RYR1: variants seen among roughly 807,000 people sequenced by gnomAD.
RYR1 encodes the protein ryanodine receptor 1, also known as central core disease of muscle.
A neutral mutation model predicts 583.5 loss-of-function variants in RYR1; 342 were observed. That is an observed-to-expected ratio of 0.59 (90% CI 0.54 to 0.64). The LOEUF (loss-of-function observed/expected upper bound fraction) is 0.64. RYR1 is among the 30% of genes least tolerant of loss of function. RYR1 has a pLI of 0.00. For missense variants in RYR1, 6,032 were observed against 6,917.2 expected, an observed-to-expected ratio of 0.87 and a Z score of 4.54; for synonymous variants, 2,791 against 2,822.5, an observed-to-expected ratio of 0.99 and a Z score of 0.35.
At position 38,502,789 on chromosome 19, in the gene RYR1, G is replaced by A. The variant is rs1194660792; in HGVS notation, c.7835+62G>A. ...GGGGCAGGGGCAGGGGCAGGGGCAG[G>A]GGCAGGGGCAGGGGCAGGGGGAGGA... On this transcript the variant is annotated intron_variant, in intron 48 of 105. Coordinates refer to ENST00000359596, the MANE Select transcript of RYR1 (RefSeq NM_000540.3). 13 of 1,107,376 alleles carry A rather than the reference G, an allele frequency of 1.2e-5. No homozygotes were observed. In the African/African-American group the frequency reaches 1.7e-4, roughly 15 times the overall value. The allele number at this position is 1,107,376 out of a possible 1,614,324, so 68.6% of individuals were successfully genotyped here. A position where few individuals can be genotyped will look rare whatever the true frequency, so the allele number is the denominator to read the frequency against.
rs1319171553 is a variant in RYR1 at position 38,448,753 on chromosome 19, G to T, written c.1062G>T (p.Leu354=). 1 of 1,614,238 alleles carries T rather than the reference G, an allele frequency of 6.2e-7. No homozygotes were observed. Among genetic ancestry groups the T allele is most frequent in the Non-Finnish European group, 8.5e-7 (1 of 1,180,050 alleles). Residue 354 remains leucine, a synonymous_variant, in exon 11 of 106, where the codon CTG becomes CTT. Transcript: ENST00000359596. ...TCGTGCAGCATGTGGCCTCAGGACT[G>T]TGGCTCACCTATGCTGCTCCAGACC... is the stretch of plus-strand genomic sequence containing the variant. ...LCFVQHVASG[L]WLTYAAPDPK... is the part of the protein sequence containing the mutation.
chr19:38,440,615 T>C, intron 1 of RYR1, 130 bp from the exon 2 acceptor site: 1 of 974,714 alleles, frequency 1.0e-6, no homozygotes, highest in Non-Finnish European at 1.5e-6. Context: ...GGTAGAGGGC[T>C]TGGGTGGGTT....
In RYR1 at chr19:38,585,130, G is replaced by A. The variant is rs567645064; in HGVS notation, c.14803+31G>A. The A allele has an allele frequency of 1.5e-4, 239 of 1,609,690 alleles. 2 individuals are homozygous for A. In the South Asian group the frequency reaches 1.7e-3, roughly 11 times the overall value. ...TGCTGGGAGTGGGCGCTCAGGGCCCGGAGGCAGGCTAGCTCCATGGCTAAG... is the reference window on the plus strand; with the variant it reads ...TGCTGGGAGTGGGCGCTCAGGGCCCAGAGGCAGGCTAGCTCCATGGCTAAG... On this transcript the variant is annotated intron_variant, in intron 102 of 105. Coordinates refer to ENST00000359596, the MANE Select transcript of RYR1 (RefSeq NM_000540.3).
In RYR1 at chr19:38,443,707, T is replaced by A; in HGVS notation, c.346-11T>A. 1 of 1,614,106 alleles carries A rather than the reference T, an allele frequency of 6.2e-7. No homozygotes were observed. On this transcript the variant is annotated splice_polypyrimidine_tract_variant and intron_variant, in intron 4 of 105. Coordinates refer to ENST00000359596, the MANE Select transcript of RYR1 (RefSeq NM_000540.3). ...TGCTAGAAGGAGGCTGACCTCCCTC[T>A]ACAACCCTAGTATCTGAGCTGCCTC...
intron 67 of RYR1, among the ~76,000 whole-genome samples, chr19:38,522,018 A>C (rs914928740): frequency 1.3e-5 from 2 of 152,026 alleles, no homozygotes; most frequent in African/African-American, 2.4e-5. Flanking sequence ...GAAAGAAAAA[A>C]TTTTAAAAAG....
chr19:38,498,102 C>G (rs941313137), intron 42 of RYR1, among the ~76,000 whole-genome samples: 1 of 152,146 alleles, frequency 6.6e-6, no homozygotes, highest in African/African-American at 2.4e-5. Context: ...AGTGCAAAGG[C>G]CCTGAGGCAG....
In RYR1 at chr19:38,496,772, G is replaced by A; in HGVS notation, c.6797-88G>A. On this transcript the variant is annotated intron_variant, in intron 41 of 105. Transcript: ENST00000359596. This position sits in a 1 kb window ranked among gnomAD's most constrained non-coding sequence, Gnocchi z 4.8. Reference sequence around the variant, plus strand: ...CAGACCAGAGGAGGCACCTGATCCAGGCTGGAAAAAGGGTGGTCAGGGAGG... The same window carrying A: ...CAGACCAGAGGAGGCACCTGATCCAAGCTGGAAAAAGGGTGGTCAGGGAGG... The A allele has an allele frequency of 7.5e-7, 1 of 1,333,760 alleles. No individual in the cohort carries two copies. Among genetic ancestry groups the A allele is most frequent in the Non-Finnish European group, 1.1e-6 (1 of 928,048 alleles). The allele number at this position is 1,333,760 out of a possible 1,614,324, so 82.6% of individuals were successfully genotyped here. A position where few individuals can be genotyped will look rare whatever the true frequency, so the allele number is the denominator to read the frequency against.
At chr19:38,508,312 C>T (rs866850770) in intron 58 of RYR1, among the ~76,000 whole-genome samples, 13 of 152,170 alleles carry the variant, frequency 8.5e-5, no homozygotes, top group African/African-American at 2.4e-4. Context: ...TGGTTTCAAG[C>T]GATTCTCCTG....
chr19:38,570,380 C>T (rs192346674), intron 93 of RYR1, among the ~76,000 whole-genome samples: 3 of 144,470 alleles, frequency 2.1e-5, no homozygotes, highest in Admixed American at 6.9e-5. Flanking sequence ...TGAACCCGGG[C>T]GGCAGAGGTT....
chr19:38,515,639 A>G (rs183720350), intron 64 of RYR1, among the ~76,000 whole-genome samples: 3 of 151,940 alleles, frequency 2.0e-5, no homozygotes, highest in East Asian at 1.9e-4. Context: ...ACAAAAAAAA[A>G]TTTTTTTTAA....
At chr19:38,560,569 A>G (rs2145828306) in intron 89 of RYR1, among the ~76,000 whole-genome samples, 2 of 150,934 alleles carry the variant, frequency 1.3e-5, no homozygotes, top group South Asian at 4.2e-4. Flanking sequence ...TCTCACTAAA[A>G]ATACAAAAAA....
intron 71 of RYR1, among the ~76,000 whole-genome samples, chr19:38,525,802 C>A (rs1430567821): frequency 6.6e-6 from 1 of 151,778 alleles, no homozygotes; most frequent in Non-Finnish European, 1.5e-5. Flanking sequence ...CCACTGCCCC[C>A]CCACCGGACC....
At chr19:38,555,311 G>A (rs140384254) in intron 89 of RYR1, among the ~76,000 whole-genome samples, 25 of 152,070 alleles carry the variant, frequency 1.6e-4, no homozygotes, top group East Asian at 9.7e-4. Context: ...AATTAGCCGA[G>A]TGTGGTGGCA....
chr19:38,507,023 G>T (rs1372230662), intron 57 of RYR1, 71 bp downstream of exon 57: 1 of 1,607,256 alleles, frequency 6.2e-7, no homozygotes. Context: ...AAGGGGCGGG[G>T]CCAGAGAGGG....
Position 38,496,886 on chromosome 19 carries a change from G to A in RYR1, c.6823G>A (p.Val2275Met), listed in dbSNP as rs756847750. ...LGMQGSTPLDVAAASVIDNNE... is the reference protein window; with the variant it reads ...LGMQGSTPLDMAAASVIDNNE... ...CATGCAGGGCTCCACGCCCCTGGAC[G>A]TGGCTGCTGCCTCCGTCATTGACAA... Residue 2275 changes from valine (V) to methionine (M), a missense_variant, in exon 42 of 106, where the codon GTG becomes ATG. By Grantham distance (21) the Val-to-Met change is conservative. Transcript: ENST00000359596. This position sits in a 1 kb window ranked among gnomAD's most constrained non-coding sequence, Gnocchi z 4.8. 3.1e-6 allele frequency: 5 copies of A among 1,613,432 alleles called. No individual in the cohort carries two copies. Among genetic ancestry groups the A allele is most frequent in the East Asian group, 2.2e-5 (1 of 44,868 alleles).
Position 38,469,398 on chromosome 19 carries a change from G to A in RYR1, c.3650G>A (p.Gly1217Asp), listed in dbSNP as rs1968297333. 6.2e-7 allele frequency: 1 copy of A among 1,613,962 alleles called. No homozygotes were observed. Among genetic ancestry groups the A allele is most frequent in the Admixed American group, 1.7e-5 (1 of 59,976 alleles). The change falls in exon 27 of 106, where the codon GGC becomes GAC. Residue 1217 changes from glycine to aspartate, a missense_variant. Gly to Asp is a moderately conservative substitution (Grantham distance 94). This residue lies in a region of RYR1 where 2,627 missense variants were observed against 2,961.3 expected (regional missense o/e 0.89). Coordinates refer to ENST00000359596, the MANE Select transcript of RYR1 (RefSeq NM_000540.3). ...VSSLRFFAIC[G>D]LQEGFEPFAI... ...TCTCTGAGGTTCTTTGCCATCTGTG[G>A]CCTCCAGGAAGGCTTCGAGCCATTT...
Position 38,467,722 on chromosome 19 carries a change from C to G in RYR1, c.3291C>G (p.Gly1097=). Residue 1097 remains glycine, a synonymous_variant, in exon 25 of 106, where the codon GGC becomes GGG. Coordinates refer to ENST00000359596, the MANE Select transcript of RYR1 (RefSeq NM_000540.3). ...WYFEFEAVTT[G]EMRVGWARPE... The stretch of plus-strand genomic sequence containing the variant: ...TCGAGTTTGAAGCAGTCACCACAGG[C>G]GAGATGCGCGTGGGCTGGGCGAGGC... The G allele has an allele frequency of 6.2e-7, 1 of 1,614,214 alleles. No homozygotes were observed. Among genetic ancestry groups the G allele is most frequent in the Non-Finnish European group, 8.5e-7 (1 of 1,180,044 alleles).
At chr19:38,559,548 GAGAC>G (rs1375116761) in intron 89 of RYR1, among the ~76,000 whole-genome samples, 2 of 151,896 alleles carry the variant, frequency 1.3e-5, no homozygotes, top group Non-Finnish European at 2.9e-5. Context: ...GTGGATTTTT[GAGAC>G]AGACAGTGTC....
At chr19:38,484,042 C>T (rs976860084) in intron 33 of RYR1, among the ~76,000 whole-genome samples, 3 of 152,054 alleles carry the variant, frequency 2.0e-5, no homozygotes, top group Admixed American at 1.3e-4. Context: ...GAACTCTGAA[C>T]GTGGCCAGGC....
Sources: gnomAD v4.1 joint callset for allele counts (sites outside exome capture counted in the v4.1 genomes callset) on GRCh38, gnomAD v4.1.1 for gene constraint, gnomAD v4.1.1 regional missense constraint, Gnocchi (gnomAD v3.1) non-coding constraint, MANE v1.5 for transcripts, NCBI Gene and HGNC (gene_info 2026-07-23, HGNC 2026-07-21) for gene names.